The following CSMD1 variants were observed in gnomAD, a reference collection of about 807,000 sequenced individuals.
CSMD1 encodes CUB and Sushi multiple domains 1.
In CSMD1, 213 loss-of-function variants were observed where a neutral mutation model predicts 417.5. The ratio of observed to expected loss-of-function variants is 0.51; its 90% CI spans 0.46 to 0.57. The LOEUF is 0.57. CSMD1 is among the 20% of genes least tolerant of loss of function. The pLI, the probability that CSMD1 is intolerant of heterozygous loss-of-function variation, is 0.00. For synonymous variants in CSMD1, 2,862 were observed against 1,736.8 expected, an observed-to-expected ratio of 1.65 and a Z score of -16.11; for missense variants, 6,923 against 4,529.7, an observed-to-expected ratio of 1.53 and a Z score of -15.17.
chr8:3,048,787 T>C (rs1811624690), intron 50 of CSMD1, among the ~76,000 whole-genome samples: 1 of 146,242 alleles, frequency 6.8e-6, no homozygotes, highest in Admixed American at 6.8e-5. Context: ...ATTAAGAAAA[T>C]GAAAAGACCA....
chr8:4,357,053 G>C (rs1000609458), intron 3 of CSMD1, among the ~76,000 whole-genome samples: 1 of 152,188 alleles, frequency 6.6e-6, no homozygotes, highest in Non-Finnish European at 1.5e-5. Flanking sequence ...TTATTAAAAT[G>C]TATCTTTACT....
At chr8:4,115,479 G>A (rs540741980) in intron 3 of CSMD1, among the ~76,000 whole-genome samples, 2 of 152,092 alleles carry the variant, frequency 1.3e-5, no homozygotes, top group African/African-American at 4.8e-5. Flanking sequence ...TAATGCTTTA[G>A]ACGTATTTTT....
chr8:3,980,705 C>T (rs960669041), intron 5 of CSMD1, among the ~76,000 whole-genome samples: 4 of 152,080 alleles, frequency 2.6e-5, no homozygotes, highest in Non-Finnish European at 5.9e-5. Context: ...TTTAAAAGAA[C>T]GATGTGACAA....
chr8:4,400,390 G>T (rs766454148), intron 3 of CSMD1, among the ~76,000 whole-genome samples: 2 of 152,238 alleles, frequency 1.3e-5, no homozygotes, highest in African/African-American at 4.8e-5. Context: ...TATCCATCCT[G>T]TGTTTGCCGT....
chr8:4,808,492 T>C (rs936289989), intron 1 of CSMD1, among the ~76,000 whole-genome samples: 32 of 152,202 alleles, frequency 2.1e-4, no homozygotes, highest in African/African-American at 2.2e-4. Context: ...ATAATAATCA[T>C]AGTGAATAAA....
At chr8:3,515,957 A>T (rs149603709) in intron 10 of CSMD1, among the ~76,000 whole-genome samples, 1 of 152,320 alleles carries the variant, frequency 6.6e-6, no homozygotes, top group African/African-American at 2.4e-5. Flanking sequence ...GTGACGTACC[A>T]AACTGTTCGT....
Position 4,055,403 on chromosome 8 carries a change from T to C in CSMD1, c.416-23304A>G, listed in dbSNP as rs943440343. Among the ~76,000 whole-genome samples the C allele has an allele frequency of 3.3e-5, 5 of 152,072 alleles. No individual in the cohort carries two copies. The East Asian group carries it at 7.7e-4, about 23-fold the overall frequency. On this transcript the variant is annotated intron_variant, in intron 3 of 69. Transcript: ENST00000635120. Reference sequence around the variant, plus strand: ...CTTACTAAGTGATTAATCCAATACATATTTTAAACTCACTAAACATTCCAA... The same window carrying C: ...CTTACTAAGTGATTAATCCAATACACATTTTAAACTCACTAAACATTCCAA...
intron 25 of CSMD1, among the ~76,000 whole-genome samples, chr8:3,307,163 GACTTGCTTTGACA>G (rs1439353457): frequency 6.6e-6 from 1 of 152,076 alleles, no homozygotes; most frequent in African/African-American, 2.4e-5. Context: ...TAGCCCATGA[GACTTGCTTTGACA>G]AAGGGCACCT....
intron 3 of CSMD1, among the ~76,000 whole-genome samples, chr8:4,046,298 T>G (rs1405646949): frequency 1.3e-5 from 2 of 152,206 alleles, no homozygotes; most frequent in Non-Finnish European, 2.9e-5. Flanking sequence ...CTAACTTCAG[T>G]TATTTCTCTT....
At chr8:3,809,154 G>GC (rs1800918861) in intron 5 of CSMD1, among the ~76,000 whole-genome samples, 1 of 151,984 alleles carries the variant, frequency 6.6e-6, no homozygotes, top group Non-Finnish European at 1.5e-5. Flanking sequence ...TCCCCTTCCA[G>GC]CCCCCACAGA....
intron 26 of CSMD1, among the ~76,000 whole-genome samples, chr8:3,259,108 T>C (rs888109851): frequency 6.6e-6 from 1 of 152,198 alleles, no homozygotes; most frequent in African/African-American, 2.4e-5. Context: ...ACCACAGCTT[T>C]TATGACAAGA....
rs767154464 is a variant in CSMD1 at position 3,142,547 on chromosome 8, C to G, written c.6159G>C (p.Leu2053=). The G allele has an allele frequency of 1.3e-5, 21 of 1,613,872 alleles. No individual in the cohort carries two copies. Among genetic ancestry groups the G allele is most frequent in the South Asian group, 2.2e-5 (2 of 91,082 alleles). The change falls in exon 41 of 70, where the codon CTG becomes CTC. Residue 2053 remains leucine, a synonymous_variant. Transcript: ENST00000635120. ...TGAGGGTTTCATGCGTTGTGCTCAG[C>G]AGGGCCGCGGGGAGATCCGTGCCGC... is the stretch of plus-strand genomic sequence containing the variant. The part of the protein sequence containing the change: ...QFSGTDLPAA[L]LSTTHETLIH...
intron 5 of CSMD1, among the ~76,000 whole-genome samples, chr8:3,996,926 T>A (rs1030735919): frequency 6.6e-6 from 1 of 152,208 alleles, no homozygotes. Context: ...GCTTCATGTT[T>A]GACATGTTTG....
intron 10 of CSMD1, among the ~76,000 whole-genome samples, chr8:3,526,244 T>C (rs934581649): frequency 6.6e-5 from 10 of 152,120 alleles, no homozygotes; most frequent in African/African-American, 2.2e-4. Flanking sequence ...TTCTATAGAA[T>C]ATAAATTGTC....
intron 3 of CSMD1, among the ~76,000 whole-genome samples, chr8:4,100,629 G>A (rs1431946405): frequency 3.3e-5 from 5 of 152,106 alleles, no homozygotes; most frequent in Non-Finnish European, 5.9e-5. Context: ...TGATAATGGG[G>A]ATAAGTATGT....
At chr8:3,117,576 C>G (rs1264316870) in intron 42 of CSMD1, among the ~76,000 whole-genome samples, 3 of 152,094 alleles carry the variant, frequency 2.0e-5, no homozygotes, top group Non-Finnish European at 2.9e-5. Flanking sequence ...ATCGGGTTTA[C>G]AGTAAATTTT....
At chr8:3,614,060 T>C (rs1802020854) in intron 8 of CSMD1, among the ~76,000 whole-genome samples, 1 of 152,290 alleles carries the variant, frequency 6.6e-6, no homozygotes, top group East Asian at 1.9e-4. Flanking sequence ...AGCTTGTCTC[T>C]GTTATGTATA....
At chr8:4,401,782 T>A (rs1804662166) in intron 3 of CSMD1, among the ~76,000 whole-genome samples, 1 of 152,166 alleles carries the variant, frequency 6.6e-6, no homozygotes, top group South Asian at 2.1e-4. Flanking sequence ...CGCAGCCCTG[T>A]CCAGCAGTGC....
intron 7 of CSMD1, among the ~76,000 whole-genome samples, chr8:3,698,127 C>G (rs1224024015): frequency 6.6e-6 from 1 of 152,036 alleles, no homozygotes; most frequent in Non-Finnish European, 1.5e-5. Context: ...CTTCTAGTTC[C>G]CAGTGATGCT....
Sources: allele counts gnomAD v4.1 joint callset (sites outside exome capture counted in the v4.1 genomes callset), GRCh38; gene constraint gnomAD v4.1.1; transcripts MANE v1.5; gene names NCBI Gene and HGNC (gene_info 2026-07-23, HGNC 2026-07-21).